The following ARHGAP11B variants were observed in gnomAD, a reference collection of about 807,000 sequenced individuals.
ARHGAP11B encodes the protein Rho GTPase activating protein 11B.
ARHGAP11B carries 14 observed loss-of-function variants against 27.6 expected under a neutral mutation model. The ratio of observed to expected loss-of-function variants is 0.51; its 90% CI spans 0.34 to 0.79. ARHGAP11B has a LOEUF of 0.79. Ranked by LOEUF, ARHGAP11B falls within the 30% of genes least tolerant of loss-of-function variation. The pLI is 0.02. For missense variants in ARHGAP11B, 245 were observed against 320.1 expected (o/e 0.77, Z 1.79); for synonymous variants, 82 against 114.1 (o/e 0.72, Z 1.80).
At position 30,627,147 on chromosome 15, in the gene ARHGAP11B, TGAGA is replaced by T. The variant is rs201887655; in HGVS notation, c.129+201_129+204del. On this transcript the variant is annotated intron_variant, in intron 1 of 10. Transcript: ENST00000428041. ...TTTTTCCCCAAGGATTTTTGATCAT[TGAGA>T]GAAAGTTGCAGGATTTTCCAACTTC... 4.7e-3 allele frequency among the ~76,000 whole-genome samples: 720 copies of T among 152,074 alleles called. 36 individuals carry two copies. The highest frequency in any genetic ancestry group is 0.041 in the Admixed American group (618 of 15,244).
intron 9 of ARHGAP11B, among the ~76,000 whole-genome samples, chr15:30,646,756 G>A (rs553170959): frequency 6.6e-6 from 1 of 151,820 alleles, no homozygotes; most frequent in South Asian, 2.1e-4. Context: ...GATCACCTGA[G>A]GTCAGCAGTT....
Position 30,634,343 on chromosome 15 carries a change from G to A in ARHGAP11B, c.471G>A (p.Leu157=), listed in dbSNP as rs1285246560. Reference sequence around the variant, plus strand: ...CAGAGGAAAAGAATAAAGCTATACTGTTGCTCTCCTGTCTTCTGGCTGACC... The same window carrying A: ...CAGAGGAAAAGAATAAAGCTATACTATTGCTCTCCTGTCTTCTGGCTGACC... Residue 157 remains leucine (L), a synonymous_variant, in exon 4 of 11, where the codon CTG becomes CTA. Coordinates refer to ENST00000428041, the Ensembl canonical transcript of ARHGAP11B. 4 of 1,613,466 alleles carry A rather than the reference G, an allele frequency of 2.5e-6. 1 individual carries two copies. Among genetic ancestry groups the A allele is most frequent in the East Asian group, 2.2e-5 (1 of 44,804 alleles).
At chr15:30,643,280 CTTT>C (rs796664136) in intron 7 of ARHGAP11B, among the ~76,000 whole-genome samples, 5 of 133,922 alleles carry the variant, frequency 3.7e-5, no homozygotes, top group Non-Finnish European at 3.3e-5. Flanking sequence ...TGACAGTTTT[CTTT>C]TTTTTTTTTT....
rs765151317 is a variant in ARHGAP11B at position 30,635,189 on chromosome 15, G to C, written c.660+1G>C. 8 of 1,612,986 alleles carry C rather than the reference G, an allele frequency of 5.0e-6. No individual in the cohort carries two copies. The highest frequency in any genetic ancestry group is 3.3e-5 in the South Asian group (3 of 91,046). The stretch of plus-strand genomic sequence containing the variant: ...GATGTCTTCTAACGCAGAAAAGAAG[G>C]TACGATTACAGGCTGCAGTAGTACA... On this transcript the variant is annotated splice_donor_variant, in intron 5 of 10. Coordinates refer to ENST00000428041, the Ensembl canonical transcript of ARHGAP11B. LOFTEE classifies it low-confidence loss of function (ANC_ALLELE).
chr15:30,634,276 C>G lies in ARHGAP11B; in HGVS notation c.404C>G (p.Ala135Gly), dbSNP rs780847779. Residue 135 changes from alanine (A) to glycine (G), a missense_variant, in exon 4 of 11, where the codon GCT (alanine) becomes GGT (glycine). By Grantham distance (60) the Ala-to-Gly change is moderately conservative. Around this residue, in one of 3 missense-constraint regions of ARHGAP11B, gnomAD observed 129 missense variants for 159.9 expected, o/e 0.81. Transcript: ENST00000428041. Reference sequence around the variant, plus strand: ...GAACTGCCAGAGCCCATTCTCCCAGCTGATTTGCATGAAGCACTTTTGAAA... The same window carrying G: ...GAACTGCCAGAGCCCATTCTCCCAGGTGATTTGCATGAAGCACTTTTGAAA... The G allele has an allele frequency of 3.7e-6, 6 of 1,613,152 alleles. No homozygotes were observed. In the South Asian group the frequency reaches 6.6e-5, roughly 18 times the overall value.
At chr15:30,644,139 T>A (rs1449832358) in intron 7 of ARHGAP11B, among the ~76,000 whole-genome samples, 1 of 151,964 alleles carries the variant, frequency 6.6e-6, no homozygotes, top group Admixed American at 6.6e-5. Flanking sequence ...AAAAAAAAAT[T>A]CTTTCTGTCC....
chr15:30,628,079 C>T (rs914940061), intron 1 of ARHGAP11B, among the ~76,000 whole-genome samples: 32 of 141,042 alleles, frequency 2.3e-4, no homozygotes, highest in African/African-American at 7.8e-4. Context: ...TTTTCTTTTC[C>T]TTTTTTTTTT....
At chr15:30,643,390 T>C (rs551951395) in intron 7 of ARHGAP11B, among the ~76,000 whole-genome samples, 2 of 151,728 alleles carry the variant, frequency 1.3e-5, no homozygotes, top group East Asian at 3.9e-4. Flanking sequence ...GCTATTCTCC[T>C]GCCTCAGCCT....
At chr15:30,641,315 A>C (rs536035891) in intron 7 of ARHGAP11B, among the ~76,000 whole-genome samples, 109 of 151,512 alleles carry the variant, frequency 7.2e-4, no homozygotes, top group African/African-American at 2.5e-3. Flanking sequence ...TGTAGTCCAT[A>C]GAGTATCTAT....
chr15:30,647,430 G>A (rs2060357352), intron 9 of ARHGAP11B, among the ~76,000 whole-genome samples: 1 of 151,812 alleles, frequency 6.6e-6, no homozygotes, highest in Non-Finnish European at 1.5e-5. Context: ...TATCAGGTAA[G>A]GGCAGTCATT....
intron 9 of ARHGAP11B, among the ~76,000 whole-genome samples, chr15:30,646,552 T>TC (rs2060349235): frequency 1.3e-5 from 2 of 151,654 alleles, no homozygotes; most frequent in African/African-American, 4.8e-5. Flanking sequence ...TTTAAAAAAA[T>TC]ATATAGGCTG....
chr15:30,643,930 T>C (rs1345116606), intron 7 of ARHGAP11B, among the ~76,000 whole-genome samples: 2 of 152,024 alleles, frequency 1.3e-5, no homozygotes, highest in Admixed American at 6.6e-5. Flanking sequence ...TCCAACTACA[T>C]GGTTTCTTCA....
intron 1 of ARHGAP11B, among the ~76,000 whole-genome samples, chr15:30,629,478 G>A (rs1275328795): frequency 2.0e-5 from 3 of 151,994 alleles, no homozygotes; most frequent in African/African-American, 7.2e-5. Context: ...GGGTGAACCC[G>A]GGAGGCGGAG....
intron 7 of ARHGAP11B, among the ~76,000 whole-genome samples, chr15:30,643,008 T>C (rs1282062779): frequency 6.6e-6 from 1 of 152,042 alleles, no homozygotes; most frequent in African/African-American, 2.4e-5. Flanking sequence ...GATTCATATG[T>C]CTGTGTAATG....
intron 6 of ARHGAP11B, among the ~76,000 whole-genome samples, chr15:30,638,350 T>G (rs1166696475): frequency 6.6e-6 from 1 of 151,936 alleles, no homozygotes; most frequent in Non-Finnish European, 1.5e-5. Flanking sequence ...TATTTATTGA[T>G]ATAATGTTTT....
intron 1 of ARHGAP11B, among the ~76,000 whole-genome samples, chr15:30,629,760 T>A (rs907599665): frequency 6.6e-6 from 1 of 152,070 alleles, no homozygotes; most frequent in Admixed American, 6.6e-5. Flanking sequence ...TCATAAAACA[T>A]AAATGCTTCT....
intron 8 of ARHGAP11B, among the ~76,000 whole-genome samples, chr15:30,645,282 T>G (rs2060340255): frequency 6.6e-6 from 1 of 151,916 alleles, no homozygotes; most frequent in African/African-American, 2.4e-5. Flanking sequence ...TTGGGGAAAA[T>G]TATTCATTGT....
At chr15:30,648,657 A>G (rs2060366983) in exon 11 of ARHGAP11B, 1 of 151,800 alleles carries the variant, frequency 6.6e-6, no homozygotes, top group South Asian at 2.1e-4. Flanking sequence ...TTCACTTACA[A>G]TGGGGTTGGG....
intron 9 of ARHGAP11B, chr15:30,646,308 G>T: frequency 2.3e-6 from 2 of 863,486 alleles, no homozygotes. Flanking sequence ...AGGCCTCTGT[G>T]ACATGACTTA....
Sources: gnomAD v4.1 joint callset for allele counts (sites outside exome capture counted in the v4.1 genomes callset) on GRCh38, gnomAD v4.1.1 for gene constraint, gnomAD v4.1.1 regional missense constraint, MANE v1.5 for transcripts, NCBI Gene and HGNC (gene_info 2026-07-23, HGNC 2026-07-21) for gene names.